The following TMEM19 variants were observed in gnomAD, a reference collection of about 807,000 sequenced individuals.
The protein encoded by TMEM19 is transmembrane protein 19.
TMEM19 carries 21 observed loss-of-function variants against 33.6 expected under a neutral mutation model. The ratio of observed to expected loss-of-function variants is 0.62; its 90% CI spans 0.44 to 0.90. The LOEUF is 0.90. Ranked by LOEUF, TMEM19 falls within the 40% of genes least tolerant of loss-of-function variation. The probability of loss-of-function intolerance (pLI) is 0.00; values close to 1 mark genes in which losing one functional copy is unlikely to be tolerated. For synonymous variants in TMEM19, 149 were observed against 147.5 expected (o/e 1.01, Z -0.07); for missense variants, 402 against 401.8 (o/e 1.00, Z 0.00).
At chr12:71,698,653 G>GAGAGAGAA (rs1881922197) in intron 4 of TMEM19, among the ~76,000 whole-genome samples, 1 of 130,258 alleles carries the variant, frequency 7.7e-6, no homozygotes, top group Non-Finnish European at 1.7e-5. Context: ...GAGAGAGAGA[G>GAGAGAGAA]AGAGAGAAGC....
chr12:71,691,011 T>A (rs185116171), intron 2 of TMEM19, among the ~76,000 whole-genome samples: 30 of 152,346 alleles, frequency 2.0e-4, no homozygotes, highest in Admixed American at 1.6e-3. Context: ...ATATAAACTT[T>A]GGGCTCCACA....
chr12:71,692,585 C>T (rs1427943864), intron 2 of TMEM19, among the ~76,000 whole-genome samples: 2 of 152,206 alleles, frequency 1.3e-5, no homozygotes, highest in Non-Finnish European at 2.9e-5. Context: ...TAGATGGAAG[C>T]ATGTCCTTAA....
chr12:71,697,222 A>G, intron 3 of TMEM19, 58 bp from the exon 4 acceptor site: 2 of 1,548,588 alleles, frequency 1.3e-6, no homozygotes, highest in Non-Finnish European at 1.7e-6. Flanking sequence ...CTATAACTGC[A>G]TGGTTTTTCT....
chr12:71,689,655 C>T lies in TMEM19; in HGVS notation c.195C>T (p.Val65=). 1 of 1,614,048 alleles carries T rather than the reference C, an allele frequency of 6.2e-7. No homozygotes were observed. The highest frequency in any genetic ancestry group is 8.5e-7 in the Non-Finnish European group (1 of 1,180,014). The change falls in exon 2 of 6, where the codon GTC becomes GTT. Residue 65 remains valine (V), a synonymous_variant. Transcript: ENST00000266673. ...LFSVVVPVLI[V]SNGLKKKSLD... The stretch of plus-strand genomic sequence containing the variant: ...CTGTTGTTGTTCCTGTTCTGATCGT[C>T]TCTAATGGCCTTAAAAAGAAAAGTC...
chr12:71,700,722 T>C, intron 5 of TMEM19, 110 bp from the exon 6 acceptor site: 1 of 1,093,006 alleles, frequency 9.1e-7, no homozygotes, highest in Non-Finnish European at 1.2e-6. Context: ...TAAAATCAAG[T>C]ACATGTACCC....
Position 71,699,649 on chromosome 12 carries a change from G to A in TMEM19, c.847+540G>A, listed in dbSNP as rs138281413. On this transcript the variant is annotated intron_variant, in intron 5 of 5. Transcript: ENST00000266673. ...GCAGATCACTGGAGGTCAGGAGTTCGAGACTAGCCTGGCCAACATGGTGAA... is the reference window on the plus strand; with the variant it reads ...GCAGATCACTGGAGGTCAGGAGTTCAAGACTAGCCTGGCCAACATGGTGAA... 5.1e-3 allele frequency: 799 copies of A among 156,210 alleles called. 4 individuals are homozygous for A. The highest frequency in any genetic ancestry group is 0.018 in the African/African-American group (752 of 41,548). 9.7% of individuals were successfully genotyped at this position (156,210 alleles called of 1,614,324 possible).
At chr12:71,693,431 C>T (rs1042758769) in intron 2 of TMEM19, among the ~76,000 whole-genome samples, 1 of 152,014 alleles carries the variant, frequency 6.6e-6, no homozygotes, top group Non-Finnish European at 1.5e-5. Flanking sequence ...TAAAGTATAT[C>T]ATAGTAGTTG....
At chr12:71,688,264 G>A (rs1047654222) in intron 1 of TMEM19, among the ~76,000 whole-genome samples, 8 of 152,104 alleles carry the variant, frequency 5.3e-5, no homozygotes, top group Admixed American at 5.2e-4. Flanking sequence ...CTGAGACGGA[G>A]TTTCGCTCTT....
chr12:71,696,639 T>A, intron 3 of TMEM19, 66 bp downstream of exon 3: 1 of 1,362,668 alleles, frequency 7.3e-7, no homozygotes, highest in Non-Finnish European at 9.7e-7. Flanking sequence ...AGGTTTTTTT[T>A]TGTTTTTGTT....
intron 2 of TMEM19, among the ~76,000 whole-genome samples, chr12:71,692,733 C>G (rs1592619736): frequency 6.6e-6 from 1 of 152,060 alleles, no homozygotes; most frequent in Admixed American, 6.6e-5. Context: ...ATTATAAACT[C>G]CTTGAGGACA....
Position 71,700,874 on chromosome 12 carries a change from A to G in TMEM19, c.890A>G (p.Asn297Ser), listed in dbSNP as rs764462361. The part of the protein sequence containing the change: ...STGMVVNSPT[N>S]KARHIAGKPI... The stretch of plus-strand genomic sequence containing the variant: ...GGCATGGTGGTCAACAGCCCAACAA[A>G]TAAGGCAAGGCACATAGCAGGGAAA... The change falls in exon 6 of 6, where the codon AAT becomes AGT. Residue 297 changes from asparagine to serine, a missense_variant. Physicochemically the swap from Asn to Ser is conservative, Grantham distance 46. Coordinates refer to ENST00000266673, the MANE Select transcript of TMEM19 (RefSeq NM_018279.4). 6.2e-7 allele frequency: 1 copy of G among 1,612,262 alleles called. No individual in the cohort carries two copies. The highest frequency in any genetic ancestry group is 1.7e-5 in the Admixed American group (1 of 59,764).
chr12:71,697,903 A>G (rs1363688075), intron 4 of TMEM19, among the ~76,000 whole-genome samples: 1 of 152,190 alleles, frequency 6.6e-6, no homozygotes, highest in Non-Finnish European at 1.5e-5. Flanking sequence ...CAACAACTAC[A>G]TAGGTTGAGC....
chr12:71,686,863 A>G (rs200489208), intron 1 of TMEM19, 53 bp downstream of exon 1: 1 of 1,535,744 alleles, frequency 6.5e-7, no homozygotes, highest in East Asian at 2.3e-5. Flanking sequence ...GAGGAAATTA[A>G]AACCATACCA....
intron 5 of TMEM19, chr12:71,699,987 C>T (rs1280088092): frequency 6.6e-6 from 1 of 152,260 alleles, no homozygotes; most frequent in Non-Finnish European, 1.5e-5. Context: ...ACACTCTCAT[C>T]AACCATGTTT....
intron 1 of TMEM19, among the ~76,000 whole-genome samples, chr12:71,689,216 C>T (rs1319889780): frequency 1.3e-5 from 2 of 152,174 alleles, no homozygotes; most frequent in Non-Finnish European, 2.9e-5. Context: ...TATTTTTACT[C>T]TACTTTTTCT....
At chr12:71,687,394 C>T (rs933664368) in intron 1 of TMEM19, among the ~76,000 whole-genome samples, 6 of 152,090 alleles carry the variant, frequency 3.9e-5, no homozygotes, top group Non-Finnish European at 8.8e-5. Flanking sequence ...GCCTGGCCAA[C>T]ACGGTGAAAC....
chr12:71,698,141 A>G (rs1034344460), intron 4 of TMEM19, among the ~76,000 whole-genome samples: 4 of 152,182 alleles, frequency 2.6e-5, no homozygotes, highest in African/African-American at 9.7e-5. Flanking sequence ...AGAATACTCA[A>G]CCTATACTGC....
chr12:71,686,463 C>T lies in TMEM19; in HGVS notation c.-218C>T, dbSNP rs1258034893. The T allele has an allele frequency of 1.4e-5, 6 of 427,388 alleles. No homozygotes were observed. The highest frequency in any genetic ancestry group is 5.0e-5 in the Admixed American group (1 of 20,010). 26.5% of individuals were successfully genotyped at this position (427,388 alleles called of 1,614,324 possible). On this transcript the variant is annotated 5_prime_UTR_variant, in exon 1 of 6. Coordinates refer to ENST00000266673, the MANE Select transcript of TMEM19 (RefSeq NM_018279.4). ...TCCGCCGGGTTGCGCTCTGCTTTTG[C>T]GGTGAGGCGTTGACCACGCCCATAT...
rs185566519 is a variant in TMEM19 at position 71,697,369 on chromosome 12, G to A, written c.472G>A (p.Glu158Lys). 12 of 1,611,358 alleles carry A rather than the reference G, an allele frequency of 7.4e-6. No homozygotes were observed. In the Admixed American group the frequency reaches 1.8e-4, roughly 25 times the overall value. Residue 158 changes from glutamate to lysine, a missense_variant, in exon 4 of 6, where the codon GAA becomes AAA. By Grantham distance (56) the Glu-to-Lys change is moderately conservative. Transcript: ENST00000266673. ...GTACATGATAGAAAATGGCCCCGGG[G>A]AAATCCCAGTCGATTTTTCCAAGCA... ...LLYMIENGPGEIPVDFSKQYS... is the reference protein window; with the variant it reads ...LLYMIENGPGKIPVDFSKQYS...
Sources: gnomAD v4.1 joint callset for allele counts (sites outside exome capture counted in the v4.1 genomes callset) on GRCh38, gnomAD v4.1.1 for gene constraint, MANE v1.5 for transcripts, NCBI Gene and HGNC (gene_info 2026-07-23, HGNC 2026-07-21) for gene names.